Variants in AFAP1 observed in about 807,000 individuals in gnomAD.
AFAP1 encodes the protein actin filament-associated protein 1.
Under a neutral mutation model 93.9 loss-of-function variants are expected in AFAP1, and 75 were observed. That is an observed-to-expected ratio of 0.80 (90% CI 0.66 to 0.97). AFAP1 has a LOEUF of 0.97. AFAP1 is among the 50% of genes least tolerant of loss of function. AFAP1 has a pLI of 0.00. For synonymous variants in AFAP1, 517 were observed against 430.7 expected (o/e 1.20, Z -2.48); for missense variants, 1,201 against 1,050.8 (o/e 1.14, Z -1.98).
intron 14 of AFAP1, chr4:7,778,183 G>A (rs1260420746): frequency 1.3e-5 from 2 of 155,754 alleles, no homozygotes; most frequent in Admixed American, 6.2e-5. Flanking sequence ...CTATGATGGG[G>A]TAGAGGATAA....
At chr4:7,767,788 A>G (rs1714817692) in intron 17 of AFAP1, among the ~76,000 whole-genome samples, 1 of 152,166 alleles carries the variant, frequency 6.6e-6, no homozygotes, top group South Asian at 2.1e-4. Flanking sequence ...AAAAGCTGCA[A>G]AGAATGCCAA....
At chr4:7,809,052 G>C (rs998610988) in intron 9 of AFAP1, among the ~76,000 whole-genome samples, 20 of 99,142 alleles carry the variant, frequency 2.0e-4, no homozygotes, top group African/African-American at 1.2e-3. Flanking sequence ...AGGAAGCTTA[G>C]TTTTGTTTTT....
At chr4:7,863,597 T>G (rs28738908) in intron 3 of AFAP1, among the ~76,000 whole-genome samples, 41,878 of 151,936 alleles carry the variant, frequency 0.28, 6,406 homozygotes, top group African/African-American at 0.41. Context: ...AATTCAGAAG[T>G]TCAAGATTTC....
chr4:7,815,172 A>G (rs1720368226), intron 8 of AFAP1, among the ~76,000 whole-genome samples: 4 of 152,170 alleles, frequency 2.6e-5, no homozygotes, highest in African/African-American at 9.6e-5. Context: ...CACGGCCTGT[A>G]GGACTCCACT....
intron 6 of AFAP1, among the ~76,000 whole-genome samples, chr4:7,825,216 A>G (rs376537191): frequency 5.9e-5 from 9 of 152,348 alleles, no homozygotes; most frequent in African/African-American, 1.4e-4. Context: ...CCAAAATATC[A>G]TAACGAGTTA....
chr4:7,902,614 T>C (rs1433617678), intron 1 of AFAP1, among the ~76,000 whole-genome samples: 4 of 152,220 alleles, frequency 2.6e-5, no homozygotes, highest in Admixed American at 2.0e-4. Flanking sequence ...AAATGGCCAC[T>C]CTTTCTAGGT....
chr4:7,859,791 C>T (rs755661440), intron 3 of AFAP1, among the ~76,000 whole-genome samples: 72 of 152,188 alleles, frequency 4.7e-4, no homozygotes, highest in Non-Finnish European at 6.2e-4. Flanking sequence ...TTTTAATTCT[C>T]GTCTTTTGGA....
chr4:7,911,286 G>A (rs573690706), intron 1 of AFAP1, among the ~76,000 whole-genome samples: 4 of 152,266 alleles, frequency 2.6e-5, no homozygotes, highest in South Asian at 2.1e-4. Flanking sequence ...GGAGCCAGCC[G>A]CCTCCTTCCT....
Position 7,774,730 on chromosome 4 carries a change from C to G in AFAP1, c.2062+9G>C. On this transcript the variant is annotated intron_variant, in intron 15 of 17. Coordinates refer to ENST00000420658, the MANE Select transcript of AFAP1 (RefSeq NM_001134647.2). Reference sequence around the variant, plus strand: ...ATGCACCCTGGGCAGTCACCCACACCCTTCATACCGGCGTTCACTTCAATA... The same window carrying G: ...ATGCACCCTGGGCAGTCACCCACACGCTTCATACCGGCGTTCACTTCAATA... The G allele has an allele frequency of 3.1e-6, 5 of 1,613,684 alleles. No homozygotes were observed. Among genetic ancestry groups the G allele is most frequent in the East Asian group, 2.2e-5 (1 of 44,876 alleles).
chr4:7,761,665 A>C lies in AFAP1; in HGVS notation c.*2100T>G, dbSNP rs1713821594. ...TTTGGCAAAGCAGGCTGCCAATCAG[A>C]GTGGCCCAAGAGTGTCAACCAGGGA... is the stretch of plus-strand genomic sequence containing the variant. On this transcript the variant is annotated 3_prime_UTR_variant, in exon 18 of 18. Coordinates refer to ENST00000420658, the MANE Select transcript of AFAP1 (RefSeq NM_001134647.2). 3 of 152,298 alleles carry C rather than the reference A, an allele frequency of 2.0e-5. No individual in the cohort carries two copies. Among genetic ancestry groups the C allele is most frequent in the Admixed American group, 2.0e-4 (3 of 15,292 alleles). The allele number at this position is 152,298 out of a possible 1,614,324, so 9.4% of individuals were successfully genotyped here.
chr4:7,867,241 A>G (rs566910778), intron 3 of AFAP1, among the ~76,000 whole-genome samples: 39 of 152,128 alleles, frequency 2.6e-4, no homozygotes, highest in African/African-American at 8.0e-4. Flanking sequence ...GCTGAAGGCT[A>G]AAGTTTGAGA....
chr4:7,774,763 G>A lies in AFAP1; in HGVS notation c.2038C>T (p.Arg680Ter), dbSNP rs749129062. 8 of 1,614,220 alleles carry A rather than the reference G, an allele frequency of 5.0e-6. No homozygotes were observed. Among genetic ancestry groups the A allele is most frequent in the Non-Finnish European group, 6.8e-6 (8 of 1,180,038 alleles). ...AQLRKERKDLRAAIEVNAGRK... is the reference protein window; with the variant it reads ...AQLRKERKDL ...CCGGCGTTCACTTCAATAGCCGCTC[G>A]AAGGTCTTTTCTTTCCTTGCGGAGC... Residue 680 changes from arginine (R) to a stop codon, truncating the protein, a stop_gained, in exon 15 of 18, where the codon CGA becomes TGA. Coordinates refer to ENST00000420658, the MANE Select transcript of AFAP1 (RefSeq NM_001134647.2). LOFTEE classifies it high-confidence loss of function.
intron 5 of AFAP1, among the ~76,000 whole-genome samples, chr4:7,842,165 T>G (rs1416544489): frequency 6.6e-6 from 1 of 151,948 alleles, no homozygotes; most frequent in Admixed American, 6.6e-5. Context: ...CTGGGAGAAA[T>G]TCAGGCCACA....
intron 2 of AFAP1, 27 bp downstream of exon 2, chr4:7,871,925 A>G (rs754841910): frequency 6.2e-7 from 1 of 1,612,374 alleles, no homozygotes; most frequent in Non-Finnish European, 8.5e-7. Flanking sequence ...TGTAAGAAGG[A>G]AAAGCAGGCG....
intron 2 of AFAP1, among the ~76,000 whole-genome samples, chr4:7,871,218 C>T (rs1453448584): frequency 1.3e-5 from 2 of 152,208 alleles, no homozygotes; most frequent in African/African-American, 4.8e-5. Flanking sequence ...AAGCTGCTCT[C>T]TCTAGAGGGG....
intron 9 of AFAP1, among the ~76,000 whole-genome samples, chr4:7,805,646 C>G (rs568950910): frequency 6.6e-6 from 1 of 152,132 alleles, no homozygotes; most frequent in Non-Finnish European, 1.5e-5. Flanking sequence ...AGCCTGACAT[C>G]CAGAGGTGAA....
chr4:7,844,239 T>C (rs1713407644), intron 4 of AFAP1, among the ~76,000 whole-genome samples: 1 of 151,888 alleles, frequency 6.6e-6, no homozygotes, highest in Non-Finnish European at 1.5e-5. Context: ...AATGAGGTCC[T>C]AAGGGTGGGG....
chr4:7,800,129 T>C (rs907302704), intron 10 of AFAP1, among the ~76,000 whole-genome samples: 8 of 152,162 alleles, frequency 5.3e-5, no homozygotes, highest in Non-Finnish European at 1.0e-4. Context: ...CTCTATGGGA[T>C]TGTGTATTTA....
At chr4:7,770,160 TGG>T (rs749110410) in intron 16 of AFAP1, among the ~76,000 whole-genome samples, 72 of 152,286 alleles carry the variant, frequency 4.7e-4, no homozygotes, top group Non-Finnish European at 9.6e-4. Context: ...CACAGTGGAC[TGG>T]GAGCGGGGAA....
Sources: gnomAD v4.1 joint callset for allele counts (sites outside exome capture counted in the v4.1 genomes callset) on GRCh38, gnomAD v4.1.1 for gene constraint, MANE v1.5 for transcripts, NCBI Gene and HGNC (gene_info 2026-07-23, HGNC 2026-07-21) for gene names.